Variants in ATXN1 observed in about 807,000 individuals in gnomAD.
ATXN1 encodes the protein ataxin-1.
Under a neutral mutation model 56.4 loss-of-function variants are expected in ATXN1, and 8 were observed. The ratio of observed to expected loss-of-function variants is 0.14; its 90% CI spans 0.08 to 0.26. The LOEUF (loss-of-function observed/expected upper bound fraction) is 0.26. ATXN1 is among the 10% of genes least tolerant of loss of function. ATXN1 has a pLI of 1.00. For missense variants in ATXN1, 987 were observed against 1,106.5 expected, an observed-to-expected ratio of 0.89 and a Z score of 1.53; for synonymous variants, 514 against 494.6, an observed-to-expected ratio of 1.04 and a Z score of -0.52.
chr6:16,451,712 G>A (rs1759756641), intron 6 of ATXN1, among the ~76,000 whole-genome samples: 1 of 151,504 alleles, frequency 6.6e-6, no homozygotes, highest in East Asian at 1.9e-4. Flanking sequence ...CCAAGATCGT[G>A]CCATTGCTCT....
rs77427088 is a variant in ATXN1, at chr6:16,398,819, A to G, written c.-160-70349T>C. Among the ~76,000 whole-genome samples, 1,322 of 152,344 alleles carry G rather than the reference A, an allele frequency of 8.7e-3. 6 individuals are homozygous for G. Among genetic ancestry groups the G allele is most frequent in the Admixed American group, 0.015 (227 of 15,304 alleles). ...AGTAAAAACACAACACTGCTTATGA[A>G]TTGTAGCACTTGGAGAAGACTTTTC... On this transcript the variant is annotated intron_variant, in intron 6 of 7. Transcript: ENST00000436367.
intron 1 of ATXN1, among the ~76,000 whole-genome samples, chr6:16,756,410 G>GAA (rs35463858): frequency 6.6e-6 from 1 of 152,012 alleles, no homozygotes; most frequent in Non-Finnish European, 1.5e-5. Flanking sequence ...TCTTATCTTA[G>GAA]AAAAGGAAGT....
Position 16,305,960 on chromosome 6 carries a change from A to T in ATXN1, c.*369T>A. 1 of 205,626 alleles carries T rather than the reference A, an allele frequency of 4.9e-6. No homozygotes were observed. 12.7% of individuals were successfully genotyped at this position (205,626 alleles called of 1,614,324 possible). Reference sequence around the variant, plus strand: ...CACCCCCACATGCGTGCAACCCTGCACCCCTGCAGGACCCTTCCCACGGGA... The same window carrying T: ...CACCCCCACATGCGTGCAACCCTGCTCCCCTGCAGGACCCTTCCCACGGGA... On this transcript the variant is annotated 3_prime_UTR_variant, in exon 8 of 8. Coordinates refer to ENST00000436367, the MANE Select transcript of ATXN1 (RefSeq NM_001128164.2).
At chr6:16,462,323 C>T (rs1013291026) in intron 6 of ATXN1, among the ~76,000 whole-genome samples, 24 of 152,272 alleles carry the variant, frequency 1.6e-4, no homozygotes, top group Admixed American at 1.6e-3. Context: ...CCAAGATCAG[C>T]CAGACCAGCC....
At chr6:16,540,500 C>T (rs1381286267) in intron 4 of ATXN1, among the ~76,000 whole-genome samples, 2 of 152,198 alleles carry the variant, frequency 1.3e-5, no homozygotes, top group Non-Finnish European at 2.9e-5. Context: ...GCATGAGCCA[C>T]TGCGCCCGGA....
chr6:16,532,123 G>T (rs1761516538), intron 4 of ATXN1, among the ~76,000 whole-genome samples: 1 of 152,176 alleles, frequency 6.6e-6, no homozygotes, highest in Admixed American at 6.5e-5. Flanking sequence ...ACAGAAACAG[G>T]CTGGGGTGAT....
intron 4 of ATXN1, among the ~76,000 whole-genome samples, chr6:16,537,908 G>C (rs1004701135): frequency 1.3e-5 from 2 of 152,004 alleles, no homozygotes; most frequent in African/African-American, 4.8e-5. Context: ...TTTGAGACCA[G>C]CCTGGCCATC....
Position 16,490,731 on chromosome 6 carries a change from C to T in ATXN1, c.-298-4622G>A, listed in dbSNP as rs1449789617. On this transcript the variant is annotated intron_variant, in intron 5 of 7. Transcript: ENST00000436367. Reference sequence around the variant, plus strand: ...TCTCTCCCCTTGGCTGTTATCTGGGCTGGGATGACTTCACACATTGGCCTG... The same window carrying T: ...TCTCTCCCCTTGGCTGTTATCTGGGTTGGGATGACTTCACACATTGGCCTG... Among the ~76,000 whole-genome samples, 5 of 152,320 alleles carry T rather than the reference C, an allele frequency of 3.3e-5. No homozygotes were observed. In the East Asian group the frequency reaches 9.6e-4, roughly 29 times the overall value.
chr6:16,365,577 A>T (rs1469904484), intron 6 of ATXN1, among the ~76,000 whole-genome samples: 1 of 152,352 alleles, frequency 6.6e-6, no homozygotes. Context: ...CTTTAGCCAG[A>T]TGTGTCCATG....
At chr6:16,392,669 T>C (rs1318593453) in intron 6 of ATXN1, among the ~76,000 whole-genome samples, 12 of 152,130 alleles carry the variant, frequency 7.9e-5, no homozygotes, top group Non-Finnish European at 8.8e-5. Flanking sequence ...CTAATTTTTG[T>C]ATTTTTAGTA....
intron 3 of ATXN1, among the ~76,000 whole-genome samples, chr6:16,592,879 G>A (rs1395641077): frequency 1.4e-5 from 2 of 142,606 alleles, no homozygotes; most frequent in Non-Finnish European, 3.1e-5. Flanking sequence ...TGGGGGTGGG[G>A]GGTTGGGGGG....
chr6:16,663,135 G>GAACATGTTTTTGATCCATA, intron 2 of ATXN1, among the ~76,000 whole-genome samples: 1 of 151,938 alleles, frequency 6.6e-6, no homozygotes, highest in Non-Finnish European at 1.5e-5. Flanking sequence ...ACCATGCCTG[G>GAACATGTTTTTGATCCATA]CTAATTAATC....
intron 6 of ATXN1, among the ~76,000 whole-genome samples, chr6:16,341,837 G>GC (rs1761257079): frequency 6.9e-6 from 1 of 144,070 alleles, no homozygotes; most frequent in Admixed American, 7.1e-5. Flanking sequence ...GGATCTTTAA[G>GC]CCCCCTAACT....
At chr6:16,592,178 C>T (rs190838289) in intron 3 of ATXN1, among the ~76,000 whole-genome samples, 26 of 152,238 alleles carry the variant, frequency 1.7e-4, no homozygotes, top group Middle Eastern at 6.8e-3. Context: ...GCTCTGCCCC[C>T]CTCCCAGTAC....
rs1342669063 is a variant in ATXN1, at chr6:16,577,918, T to C, written c.-361+7862A>G. Among the ~76,000 whole-genome samples the C allele has an allele frequency of 2.6e-5, 4 of 152,314 alleles. No individual in the cohort carries two copies. In the South Asian group the frequency reaches 8.3e-4, roughly 32 times the overall value. The stretch of plus-strand genomic sequence containing the variant: ...AGATATTATAATTATTTCTATTTTA[T>C]AGAGATGCGGAAAAAACCCTCAGAT... On this transcript the variant is annotated intron_variant, in intron 4 of 7. Transcript: ENST00000436367.
intron 2 of ATXN1, among the ~76,000 whole-genome samples, chr6:16,716,561 T>C (rs886169081): frequency 6.6e-6 from 1 of 152,044 alleles, no homozygotes; most frequent in African/African-American, 2.4e-5. Context: ...GTTGTGGGGG[T>C]GCAAAAGGAG....
chr6:16,679,230 A>G (rs374010588), intron 2 of ATXN1, among the ~76,000 whole-genome samples: 1 of 97,944 alleles, frequency 1.0e-5, no homozygotes, highest in Middle Eastern at 5.5e-3. Context: ...AAGGATGAAT[A>G]GATGGATGGA....
chr6:16,382,081 T>C lies in ATXN1; in HGVS notation c.-160-53611A>G, dbSNP rs530459191. ...CATTTGGGCCAGGCCTGGTGGCTTA[T>C]GGCTCTAATCTCAGCACTTTGGGAG... On this transcript the variant is annotated intron_variant, in intron 6 of 7. Coordinates refer to ENST00000436367, the MANE Select transcript of ATXN1 (RefSeq NM_001128164.2). Among the ~76,000 whole-genome samples the C allele has an allele frequency of 1.8e-3, 269 of 152,308 alleles. 1 individual carries two copies. Among genetic ancestry groups the C allele is most frequent in the Non-Finnish European group, 2.6e-3 (174 of 68,026 alleles).
intron 3 of ATXN1, among the ~76,000 whole-genome samples, chr6:16,655,941 T>C (rs953951415): frequency 3.3e-5 from 5 of 151,488 alleles, no homozygotes; most frequent in African/African-American, 1.2e-4. Context: ...AATACAAAAA[T>C]TAGCTGGGCA....
Sources: gnomAD v4.1 joint callset for allele counts (sites outside exome capture counted in the v4.1 genomes callset) on GRCh38, gnomAD v4.1.1 for gene constraint, MANE v1.5 for transcripts, NCBI Gene and HGNC (gene_info 2026-07-23, HGNC 2026-07-21) for gene names.